The following ACER3 variants were observed in gnomAD, a reference collection of about 807,000 sequenced individuals.
The protein encoded by ACER3 is alkaline ceramidase 3.
Under a neutral mutation model 48.9 loss-of-function variants are expected in ACER3, and 16 were observed. The ratio of observed to expected loss-of-function variants is 0.33; its 90% confidence interval spans 0.22 to 0.50. The LOEUF is 0.50. ACER3 is among the 20% of genes least tolerant of loss of function. The pLI, the probability that ACER3 is intolerant of heterozygous loss-of-function variation, is 0.98. For synonymous variants in ACER3, 109 were observed against 107.8 expected, an observed-to-expected ratio of 1.01 and a Z score of -0.07; for missense variants, 227 against 326.0, an observed-to-expected ratio of 0.70 and a Z score of 2.34.
chr11:76,879,629 A>G (rs945475156), intron 1 of ACER3, among the ~76,000 whole-genome samples: 19 of 152,180 alleles, frequency 1.2e-4, no homozygotes, highest in African/African-American at 4.6e-4. Flanking sequence ...GAGTTTTATC[A>G]TGAATAGGTG....
intron 6 of ACER3, among the ~76,000 whole-genome samples, chr11:76,998,157 T>C (rs1948954444): frequency 6.6e-6 from 1 of 152,182 alleles, no homozygotes; most frequent in East Asian, 1.9e-4. Flanking sequence ...CTGGTTCAAT[T>C]TTCCAGGTAC....
chr11:76,979,319 A>AT (rs1948524977), intron 4 of ACER3, among the ~76,000 whole-genome samples: 1 of 152,202 alleles, frequency 6.6e-6, no homozygotes, highest in Non-Finnish European at 1.5e-5. Context: ...ATAACCAACT[A>AT]TATCACTGTT....
intron 1 of ACER3, among the ~76,000 whole-genome samples, chr11:76,922,783 C>T (rs1038427997): frequency 2.0e-5 from 3 of 152,000 alleles, no homozygotes; most frequent in Non-Finnish European, 4.4e-5. Flanking sequence ...TCTTAACCCG[C>T]TTTTACTGTT....
At chr11:76,861,685 G>C (rs7947572) in intron 1 of ACER3, among the ~76,000 whole-genome samples, 3,192 of 152,268 alleles carry the variant, frequency 0.021, 113 homozygotes, top group African/African-American at 0.073. Flanking sequence ...TGCTCTCTGA[G>C]TATGATTATT....
intron 7 of ACER3, 53 bp from the exon 8 acceptor site, chr11:77,014,963 C>A: frequency 9.3e-7 from 1 of 1,070,504 alleles, no homozygotes; most frequent in Non-Finnish European, 1.4e-6. Flanking sequence ...AATTTCTGAT[C>A]GTGACATGAC....
intron 10 of ACER3, 27 bp downstream of exon 10, chr11:77,019,803 G>A (rs1555024050): frequency 2.5e-6 from 4 of 1,609,268 alleles, no homozygotes; most frequent in South Asian, 1.1e-5. Context: ...GGTCCTGTGT[G>A]TGTGTTGGGG....
chr11:76,944,905 A>AT (rs773035292), intron 2 of ACER3, among the ~76,000 whole-genome samples: 5 of 150,804 alleles, frequency 3.3e-5, no homozygotes, highest in African/African-American at 1.2e-4. Context: ...CTTTTTTATT[A>AT]TTTTTTTCCC....
At chr11:77,005,992 T>TATACATATATATATATATA (rs1491403985) in intron 7 of ACER3, among the ~76,000 whole-genome samples, 17 of 70,566 alleles carry the variant, frequency 2.4e-4, no homozygotes, top group Admixed American at 6.7e-4. Context: ...TATATATATA[T>TATACATATATATATATATA]TTTTTTTTTT....
chr11:76,882,876 G>A (rs1399363233), intron 1 of ACER3, among the ~76,000 whole-genome samples: 1 of 152,148 alleles, frequency 6.6e-6, no homozygotes, highest in Non-Finnish European at 1.5e-5. Context: ...CTTTCAACCT[G>A]TTATATGCAC....
chr11:76,905,464 A>T (rs943373737), intron 1 of ACER3, among the ~76,000 whole-genome samples: 1 of 152,216 alleles, frequency 6.6e-6, no homozygotes, highest in Non-Finnish European at 1.5e-5. Flanking sequence ...TGCAGTGAGC[A>T]TTCATTGCCC....
chr11:76,868,375 ATCTCTCTCTCTC>A, intron 1 of ACER3: 4 of 474,928 alleles, frequency 8.4e-6, no homozygotes, highest in Non-Finnish European at 1.3e-5. Flanking sequence ...TAGTTTTAAT[ATCTCTCTCTCTC>A]TCTCTGTGTG....
intron 4 of ACER3, among the ~76,000 whole-genome samples, chr11:76,978,209 G>A (rs950151741): frequency 1.2e-4 from 19 of 152,306 alleles, no homozygotes; most frequent in Admixed American, 5.2e-4. Context: ...CCTTCAAGCC[G>A]GGGACAGCCT....
intron 2 of ACER3, among the ~76,000 whole-genome samples, chr11:76,928,694 C>T (rs1565182136): frequency 6.6e-6 from 1 of 152,114 alleles, no homozygotes; most frequent in Non-Finnish European, 1.5e-5. Flanking sequence ...GCCAGTTTCC[C>T]CAGCACCATT....
At chr11:76,911,131 G>A (rs1220217723) in intron 1 of ACER3, among the ~76,000 whole-genome samples, 2 of 152,160 alleles carry the variant, frequency 1.3e-5, no homozygotes, top group African/African-American at 4.8e-5. Context: ...AGTTTATTAA[G>A]AAAGTAAAGG....
intron 1 of ACER3, among the ~76,000 whole-genome samples, chr11:76,911,384 G>T (rs770539122): frequency 6.6e-6 from 1 of 152,072 alleles, no homozygotes; most frequent in African/African-American, 2.4e-5. Context: ...CTTTTCGCAT[G>T]CTAATGCATT....
At chr11:76,928,382 T>C (rs902648825) in intron 2 of ACER3, among the ~76,000 whole-genome samples, 4 of 152,214 alleles carry the variant, frequency 2.6e-5, no homozygotes, top group Non-Finnish European at 5.9e-5. Flanking sequence ...GATGAGTAGA[T>C]TGCAAAAATT....
At chr11:76,963,218 G>A (rs1365545363) in intron 3 of ACER3, among the ~76,000 whole-genome samples, 1 of 151,284 alleles carries the variant, frequency 6.6e-6, no homozygotes. Flanking sequence ...GGGAGGAGGG[G>A]GGCTTACTTT....
intron 1 of ACER3, among the ~76,000 whole-genome samples, chr11:76,886,569 A>G (rs1476718312): frequency 6.6e-6 from 1 of 152,232 alleles, no homozygotes; most frequent in Non-Finnish European, 1.5e-5. Context: ...AATGGCTGCA[A>G]AGGAGGATTT....
chr11:76,864,846 T>TG (rs1945033650), intron 1 of ACER3, among the ~76,000 whole-genome samples: 2 of 92,478 alleles, frequency 2.2e-5, no homozygotes, highest in African/African-American at 5.3e-5. Context: ...GTGATCCACC[T>TG]GTTCAGCCTC....
Sources: gnomAD v4.1 joint callset for allele counts (sites outside exome capture counted in the v4.1 genomes callset) on GRCh38, gnomAD v4.1.1 for gene constraint, MANE v1.5 for transcripts, NCBI Gene and HGNC (gene_info 2026-07-23, HGNC 2026-07-21) for gene names.